The following PCBP3 variants were observed in gnomAD, a reference collection of about 807,000 sequenced individuals.
The protein encoded by PCBP3 is poly(rC)-binding protein 3.
A neutral mutation model predicts 52.7 loss-of-function variants in PCBP3; 25 were observed. The ratio of observed to expected loss-of-function variants is 0.47; its 90% CI spans 0.35 to 0.66. PCBP3 has a LOEUF of 0.66. PCBP3 is among the 30% of genes least tolerant of loss of function. The pLI is 0.01. For missense variants in PCBP3, 391 were observed against 490.3 expected, an observed-to-expected ratio of 0.80 and a Z score of 1.91; for synonymous variants, 162 against 183.0, an observed-to-expected ratio of 0.89 and a Z score of 0.93.
chr21:45,882,905 G>A (rs2095435856), intron 5 of PCBP3, among the ~76,000 whole-genome samples: 1 of 152,274 alleles, frequency 6.6e-6, no homozygotes, highest in South Asian at 2.1e-4. Flanking sequence ...CCAGCGCCAA[G>A]TTCTGGTCTT....
intron 1 of PCBP3, among the ~76,000 whole-genome samples, chr21:45,646,077 CTCTCTT>C (rs141313793): frequency 1.6e-4 from 18 of 110,316 alleles, no homozygotes; most frequent in African/African-American, 4.0e-4. Flanking sequence ...CTCTCTCTCT[CTCTCTT>C]TCTCTCTCTC....
rs770806852 is a variant in PCBP3, at chr21:45,899,612, T to C, written c.179T>C (p.Ile60Thr). The C allele has an allele frequency of 1.7e-5, 27 of 1,610,352 alleles. 1 individual carries two copies. In the South Asian group the frequency reaches 2.9e-4, roughly 17 times the overall value. Residue 60 changes from isoleucine (I) to threonine (T), a missense_variant, in exon 7 of 18, where the codon ATC becomes ACC. By Grantham distance (89) the Ile-to-Thr change is moderately conservative. Coordinates refer to ENST00000681687, the MANE Select transcript of PCBP3 (RefSeq NM_001384156.1). ...LLMHGKEVGS[I>T]IGKKGETVKK... Reference sequence around the variant, plus strand: ...TTTTTCTTGCAGGAAGTTGGAAGCATCATCGGGAAGGTAATTATTGATTGA... The same window carrying C: ...TTTTTCTTGCAGGAAGTTGGAAGCACCATCGGGAAGGTAATTATTGATTGA...
chr21:45,905,551 G>A (rs555340212), intron 9 of PCBP3, among the ~76,000 whole-genome samples: 1 of 152,386 alleles, frequency 6.6e-6, no homozygotes, highest in African/African-American at 2.4e-5. Context: ...CCATGACTGC[G>A]TGGCTTACAC....
At chr21:45,806,160 C>T (rs867973211) in intron 4 of PCBP3, among the ~76,000 whole-genome samples, 26 of 152,248 alleles carry the variant, frequency 1.7e-4, no homozygotes, top group African/African-American at 6.0e-4. Context: ...AGCAAAGCCA[C>T]CCGGCTGCAG....
chr21:45,650,097 C>T (rs1447615473), intron 1 of PCBP3, among the ~76,000 whole-genome samples: 2 of 151,536 alleles, frequency 1.3e-5, no homozygotes, highest in African/African-American at 4.9e-5. Context: ...GAGGCTGAGG[C>T]TGGAGGATCA....
chr21:45,689,489 G>A (rs573021741), intron 2 of PCBP3, among the ~76,000 whole-genome samples: 5 of 152,036 alleles, frequency 3.3e-5, no homozygotes, highest in Admixed American at 6.5e-5. Flanking sequence ...ACTTCATGGC[G>A]AATGACTGAA....
At chr21:45,859,294 G>A (rs2094427685) in intron 5 of PCBP3, among the ~76,000 whole-genome samples, 1 of 11,618 alleles carries the variant, frequency 8.6e-5, no homozygotes, top group African/African-American at 5.5e-4. Flanking sequence ...CGGGTCAGCC[G>A]GGCCGGGAGG....
In PCBP3 at chr21:45,890,834, C is replaced by T. The variant is rs537541137; in HGVS notation, c.11-5374C>T. Among the ~76,000 whole-genome samples, 6 of 150,060 alleles carry T rather than the reference C, an allele frequency of 4.0e-5. No individual in the cohort carries two copies. The South Asian group carries it at 1.3e-3, about 32-fold the overall frequency. Reference sequence around the variant, plus strand: ...GCTGAGAGGAATGTAGATAATAGAACCTGGAACTCTGCACTGCTGCGGGGA... The same window carrying T: ...GCTGAGAGGAATGTAGATAATAGAATCTGGAACTCTGCACTGCTGCGGGGA... On this transcript the variant is annotated intron_variant, in intron 5 of 17. Coordinates refer to ENST00000681687, the MANE Select transcript of PCBP3 (RefSeq NM_001384156.1).
intron 4 of PCBP3, among the ~76,000 whole-genome samples, chr21:45,794,412 C>A (rs1197034759): frequency 1.3e-5 from 2 of 151,886 alleles, no homozygotes; most frequent in East Asian, 1.9e-4. Context: ...TGAGACCCCA[C>A]CTCTAAAATT....
chr21:45,673,629 G>A (rs955778179), intron 2 of PCBP3: 1 of 152,086 alleles, frequency 6.6e-6, no homozygotes, highest in Admixed American at 6.6e-5. Context: ...CTTCTCCTGG[G>A]GCCCTTGTGG....
intron 3 of PCBP3, among the ~76,000 whole-genome samples, chr21:45,744,780 A>C (rs1167425849): frequency 1.3e-5 from 2 of 152,158 alleles, no homozygotes; most frequent in African/African-American, 4.8e-5. Context: ...AGACACTTTT[A>C]ACTCTGTTCT....
At chr21:45,924,140 C>T (rs199774408) in intron 13 of PCBP3, among the ~76,000 whole-genome samples, 2 of 98,274 alleles carry the variant, frequency 2.0e-5, no homozygotes, top group East Asian at 2.5e-4. Flanking sequence ...CACGTAAGGT[C>T]GGGTGTGCAC....
In PCBP3 at chr21:45,837,112, G is replaced by A. The variant is rs1431020687; in HGVS notation, c.-125-12849G>A. On this transcript the variant is annotated intron_variant, in intron 4 of 17. Coordinates refer to ENST00000681687, the MANE Select transcript of PCBP3 (RefSeq NM_001384156.1). This position sits in a 1 kb window ranked among gnomAD's most constrained non-coding sequence, Gnocchi z 4.1. ...TTCAGGAACTTTCAGGACCATGTCAGTTTTTGTTTCAAAGCGCGGGTACCA... is the reference window on the plus strand; with the variant it reads ...TTCAGGAACTTTCAGGACCATGTCAATTTTTGTTTCAAAGCGCGGGTACCA... Among the ~76,000 whole-genome samples the A allele has an allele frequency of 1.3e-5, 2 of 152,244 alleles. No homozygotes were observed. Among genetic ancestry groups the A allele is most frequent in the East Asian group, 1.9e-4 (1 of 5,198 alleles).
chr21:45,772,517 A>G (rs1199113256), intron 4 of PCBP3, among the ~76,000 whole-genome samples: 1 of 152,210 alleles, frequency 6.6e-6, no homozygotes, highest in Non-Finnish European at 1.5e-5. Flanking sequence ...TAGTACTGCA[A>G]TAAACATAGG....
rs2092350249 is a variant in PCBP3 at position 45,802,657 on chromosome 21, G to A, written c.-126+47205G>A. Among the ~76,000 whole-genome samples the A allele has an allele frequency of 6.6e-6, 1 of 152,168 alleles. No homozygotes were observed. The highest frequency in any genetic ancestry group is 2.4e-5 in the African/African-American group (1 of 41,446). On this transcript the variant is annotated intron_variant, in intron 4 of 17. Transcript: ENST00000681687. The surrounding 1 kb of genome is among the most constrained non-coding windows in gnomAD (Gnocchi z 5.1). ...TCTAAGCAGGGCAGGAGGTCAGATT[G>A]TGTGTTTGGGATGTTCCTCTCCTTC... is the stretch of plus-strand genomic sequence containing the variant.
intron 4 of PCBP3, among the ~76,000 whole-genome samples, chr21:45,766,619 A>G (rs771608154): frequency 3.3e-5 from 5 of 152,142 alleles, no homozygotes; most frequent in Non-Finnish European, 5.9e-5. Flanking sequence ...TTTTTACCTC[A>G]CGGTTACACT....
chr21:45,817,331 G>A lies in PCBP3; in HGVS notation c.-125-32630G>A, dbSNP rs1210901741. On this transcript the variant is annotated intron_variant, in intron 4 of 17. Coordinates refer to ENST00000681687, the MANE Select transcript of PCBP3 (RefSeq NM_001384156.1). The surrounding 1 kb of genome is among the most constrained non-coding windows in gnomAD (Gnocchi z 4.3). ...TGTGGCTGTGAGCAGTCCCCGCCTC[G>A]TGGTACCACATGACATTTAGCGTGT... 1.3e-5 allele frequency among the ~76,000 whole-genome samples: 2 copies of A among 152,142 alleles called. No homozygotes were observed. The highest frequency in any genetic ancestry group is 2.1e-4 in the South Asian group (1 of 4,836).
Position 45,724,419 on chromosome 21 carries a change from C to T in PCBP3, c.-199-10973C>T, listed in dbSNP as rs2084879260. 6.6e-6 allele frequency among the ~76,000 whole-genome samples: 1 copy of T among 152,114 alleles called. No individual in the cohort carries two copies. The highest frequency in any genetic ancestry group is 6.5e-5 in the Admixed American group (1 of 15,270). Reference sequence around the variant, plus strand: ...TGCCCACACTCCCTGCTGCTTTCTGCTCTCTGCTTGTTCATCCTCTCCCAA... The same window carrying T: ...TGCCCACACTCCCTGCTGCTTTCTGTTCTCTGCTTGTTCATCCTCTCCCAA... On this transcript the variant is annotated intron_variant, in intron 2 of 17. Transcript: ENST00000681687. The surrounding 1 kb of genome is among the most constrained non-coding windows in gnomAD (Gnocchi z 5.3).
chr21:45,935,158 T>A, intron 15 of PCBP3, 95 bp from the exon 16 acceptor site: 1 of 835,026 alleles, frequency 1.2e-6, no homozygotes, highest in Non-Finnish European at 2.0e-6. Flanking sequence ...TCTACAGCCC[T>A]GTCTCACTTG....
Sources: allele counts gnomAD v4.1 joint callset (sites outside exome capture counted in the v4.1 genomes callset), GRCh38; gene constraint gnomAD v4.1.1; non-coding constraint Gnocchi (gnomAD v3.1); transcripts MANE v1.5; gene names NCBI Gene and HGNC (gene_info 2026-07-23, HGNC 2026-07-21).